C12orf42: variants seen among roughly 807,000 people sequenced by gnomAD.
The protein encoded by C12orf42 is chromosome 12 open reading frame 42, also known as uncharacterized protein C12orf42.
A neutral mutation model predicts 21.6 loss-of-function variants in C12orf42; 25 were observed. That is an observed-to-expected ratio of 1.16 (90% CI 0.84 to 1.62). C12orf42 has a LOEUF of 1.62. Among genes scored for constraint, C12orf42 ranks in the 40% most tolerant of loss-of-function variants. The probability of loss-of-function intolerance (pLI) is 0.00; values close to 1 mark genes in which losing one functional copy is unlikely to be tolerated. For missense variants in C12orf42, 483 were observed against 459.3 expected (o/e 1.05, Z -0.47); for synonymous variants, 174 against 175.0 (o/e 0.99, Z 0.05).
intron 3 of C12orf42, 61 bp downstream of exon 3, chr12:103,401,546 A>G (rs941546055): frequency 1.9e-5 from 26 of 1,397,678 alleles, no homozygotes; most frequent in Non-Finnish European, 2.6e-5. Context: ...CATGTAAAGC[A>G]ACTGAACCCT....
At chr12:103,278,360 T>C (rs1449920902) in intron 4 of C12orf42, among the ~76,000 whole-genome samples, 1 of 152,170 alleles carries the variant, frequency 6.6e-6, no homozygotes, top group Non-Finnish European at 1.5e-5. Flanking sequence ...CTGTTTTTTC[T>C]CCACTAAGAC....
At chr12:103,533,404 G>C in the C12orf42 span, among the ~76,000 whole-genome samples, 1 of 152,020 alleles carries the variant, frequency 6.6e-6, no homozygotes, top group African/African-American at 2.4e-5. Flanking sequence ...CTCGTCCATT[G>C]TGCTTTTGGT....
the C12orf42 span, among the ~76,000 whole-genome samples, chr12:103,517,832 G>A: frequency 6.6e-6 from 1 of 152,004 alleles, no homozygotes; most frequent in African/African-American, 2.4e-5. Context: ...ACTATAAAGA[G>A]TCACAGAGGA....
At chr12:103,073,990 C>A in the C12orf42 span, among the ~76,000 whole-genome samples, 160 of 152,218 alleles carry the variant, frequency 1.1e-3, no homozygotes, top group African/African-American at 3.6e-3. Context: ...AGAGCCAATA[C>A]CATAGTTTAT....
chr12:103,444,581 C>A (rs1951461177), intron 2 of C12orf42, among the ~76,000 whole-genome samples: 1 of 151,990 alleles, frequency 6.6e-6, no homozygotes, highest in Non-Finnish European at 1.5e-5. Context: ...TATGTACCTG[C>A]AAATTGTGTT....
the C12orf42 span, among the ~76,000 whole-genome samples, chr12:103,513,237 A>G: frequency 1.2e-4 from 18 of 152,148 alleles, no homozygotes; most frequent in Non-Finnish European, 2.4e-4. Context: ...CAGGAACCCT[A>G]GGGAAAAAGA....
At chr12:103,375,125 G>A (rs936320172) in intron 3 of C12orf42, among the ~76,000 whole-genome samples, 1 of 152,124 alleles carries the variant, frequency 6.6e-6, no homozygotes, top group East Asian at 1.9e-4. Context: ...CCATGGAATT[G>A]CTTTAAATTA....
chr12:103,075,303 CT>C, the C12orf42 span, among the ~76,000 whole-genome samples: 2 of 151,770 alleles, frequency 1.3e-5, no homozygotes, highest in African/African-American at 4.8e-5. Flanking sequence ...TTTTTTTCCT[CT>C]TTTAATGAAA....
chr12:103,291,512 C>T (rs570023079), intron 4 of C12orf42, among the ~76,000 whole-genome samples: 1 of 152,146 alleles, frequency 6.6e-6, no homozygotes, highest in African/African-American at 2.4e-5. Context: ...AGCAGGGCTA[C>T]CCCATAGGCA....
At chr12:103,556,183 A>G in the C12orf42 span, among the ~76,000 whole-genome samples, 1 of 152,210 alleles carries the variant, frequency 6.6e-6, no homozygotes, top group Non-Finnish European at 1.5e-5. Context: ...ACACATTAAA[A>G]TTCCTACGTC....
chr12:103,305,950 C>T, intron 5 of C12orf42, 24 bp downstream of exon 5: 1 of 1,573,430 alleles, frequency 6.4e-7, no homozygotes, highest in East Asian at 2.3e-5. Flanking sequence ...CAAGAAGAGT[C>T]AGTAACCACA....
chr12:103,341,316 G>A (rs2042154100), intron 4 of C12orf42, among the ~76,000 whole-genome samples: 1 of 152,006 alleles, frequency 6.6e-6, no homozygotes, highest in African/African-American at 2.4e-5. Flanking sequence ...GATCGCACCT[G>A]TGAATAGCTA....
At chr12:103,260,092 T>C (rs1226770133) in intron 10 of C12orf42, among the ~76,000 whole-genome samples, 1 of 151,892 alleles carries the variant, frequency 6.6e-6, no homozygotes, top group East Asian at 1.9e-4. Flanking sequence ...AGCCTTAAAA[T>C]AGAAGAAAAA....
the C12orf42 span, among the ~76,000 whole-genome samples, chr12:103,103,867 C>T: frequency 6.7e-6 from 1 of 149,590 alleles, no homozygotes; most frequent in Non-Finnish European, 1.5e-5. Flanking sequence ...GTGGTGCGAT[C>T]GCGGCTCACT....
At chr12:103,382,837 T>A (rs933676940) in intron 3 of C12orf42, among the ~76,000 whole-genome samples, 1 of 152,208 alleles carries the variant, frequency 6.6e-6, no homozygotes, top group African/African-American at 2.4e-5. Flanking sequence ...TATATGTTTA[T>A]CTTTTTCCTC....
the C12orf42 span, among the ~76,000 whole-genome samples, chr12:103,197,250 T>G: frequency 6.6e-6 from 1 of 152,220 alleles, no homozygotes; most frequent in Non-Finnish European, 1.5e-5. Context: ...GCCTCTAATC[T>G]GTTCTGGCTT....
the C12orf42 span, among the ~76,000 whole-genome samples, chr12:103,507,252 TATAA>T: frequency 1.6e-5 from 1 of 61,930 alleles, no homozygotes; most frequent in Non-Finnish European, 2.5e-5. Flanking sequence ...ATATATAATA[TATAA>T]ATATATAATA....
intron 3 of C12orf42, among the ~76,000 whole-genome samples, chr12:103,380,606 G>T (rs1173897299): frequency 6.6e-6 from 1 of 152,164 alleles, no homozygotes; most frequent in Non-Finnish European, 1.5e-5. Context: ...TGTAAAATTT[G>T]CAAGGTAAGT....
the C12orf42 span, among the ~76,000 whole-genome samples, chr12:103,215,871 G>A: frequency 6.6e-6 from 1 of 152,276 alleles, no homozygotes; most frequent in South Asian, 2.1e-4. Flanking sequence ...TGGGAATAAG[G>A]TTTCCTCTGC....
Sources: allele counts gnomAD v4.1 joint callset (sites outside exome capture counted in the v4.1 genomes callset), GRCh38; gene constraint gnomAD v4.1.1; transcripts MANE v1.5; gene names NCBI Gene and HGNC (gene_info 2026-07-23, HGNC 2026-07-21).